The following CNTN5 variants were observed in gnomAD, a reference collection of about 807,000 sequenced individuals.
CNTN5 encodes contactin-5.
Under a neutral mutation model 129.1 loss-of-function variants are expected in CNTN5, and 77 were observed. That is an observed-to-expected ratio of 0.60 (90% CI 0.50 to 0.72). The LOEUF (loss-of-function observed/expected upper bound fraction) is 0.72, where lower values mean the gene tolerates loss of function less well. CNTN5 is among the 30% of genes least tolerant of loss of function. The pLI is 0.00. For synonymous variants in CNTN5, 509 were observed against 465.6 expected, an observed-to-expected ratio of 1.09 and a Z score of -1.20; for missense variants, 1,478 against 1,328.8, an observed-to-expected ratio of 1.11 and a Z score of -1.75.
rs1299481301 is a variant in CNTN5 at position 99,795,369 on chromosome 11, T to G, written c.56-24175T>G. Among the ~76,000 whole-genome samples the G allele has an allele frequency of 4.3e-4, 66 of 152,218 alleles. 1 individual carries two copies. The highest frequency in any genetic ancestry group is 4.3e-3 in the Admixed American group (65 of 15,284). On this transcript the variant is annotated intron_variant, in intron 3 of 24. Coordinates refer to ENST00000524871, the MANE Select transcript of CNTN5 (RefSeq NM_014361.4). Reference sequence around the variant, plus strand: ...TTTGGATTGGGTTTTGACTTTCTCCTGAATCTCAGTGATCTTTATTCCTAT... The same window carrying G: ...TTTGGATTGGGTTTTGACTTTCTCCGGAATCTCAGTGATCTTTATTCCTAT...
At chr11:99,720,557 G>C (rs1591529594) in intron 3 of CNTN5, among the ~76,000 whole-genome samples, 1 of 152,108 alleles carries the variant, frequency 6.6e-6, no homozygotes, top group African/African-American at 2.4e-5. Flanking sequence ...TACTGAATGG[G>C]CAAAAGTTGG....
chr11:99,039,598 G>C (rs1398063400), intron 1 of CNTN5, among the ~76,000 whole-genome samples: 1 of 152,158 alleles, frequency 6.6e-6, no homozygotes, highest in Non-Finnish European at 1.5e-5. Flanking sequence ...AAGAATGCTA[G>C]CTGGAGTCAC....
At chr11:99,208,346 G>T (rs910773153) in intron 1 of CNTN5, among the ~76,000 whole-genome samples, 6 of 151,906 alleles carry the variant, frequency 3.9e-5, no homozygotes, top group Non-Finnish European at 8.8e-5. Flanking sequence ...TTTTATCTAG[G>T]CAAACCTTAA....
At chr11:99,034,950 A>T (rs920275203) in intron 1 of CNTN5, among the ~76,000 whole-genome samples, 5 of 150,928 alleles carry the variant, frequency 3.3e-5, no homozygotes, top group Non-Finnish European at 5.9e-5. Context: ...AATGTGTCCC[A>T]GAGATTCTGG....
At chr11:99,945,092 G>A (rs995658202) in intron 7 of CNTN5, among the ~76,000 whole-genome samples, 3 of 151,940 alleles carry the variant, frequency 2.0e-5, no homozygotes, top group African/African-American at 7.2e-5. Flanking sequence ...GAAAGAGATG[G>A]GTACAGGTAT....
chr11:99,112,104 C>CTATATTCA (rs1394405886), intron 1 of CNTN5, among the ~76,000 whole-genome samples: 1 of 151,886 alleles, frequency 6.6e-6, no homozygotes, highest in East Asian at 1.9e-4. Flanking sequence ...TTAATAAAAA[C>CTATATTCA]TATATTCATC....
At chr11:99,923,354 A>T (rs1426022954) in intron 7 of CNTN5, among the ~76,000 whole-genome samples, 1 of 152,176 alleles carries the variant, frequency 6.6e-6, no homozygotes, top group Non-Finnish European at 1.5e-5. Context: ...TCAGTTTAGT[A>T]ATTTTGAAAT....
intron 1 of CNTN5, among the ~76,000 whole-genome samples, chr11:99,053,555 A>G (rs1347195609): frequency 6.6e-6 from 1 of 151,864 alleles, no homozygotes; most frequent in African/African-American, 2.4e-5. Flanking sequence ...AATTATTCCA[A>G]ATTGTTTTCT....
intron 2 of CNTN5, among the ~76,000 whole-genome samples, chr11:99,520,907 A>G (rs1370255441): frequency 6.6e-6 from 1 of 152,206 alleles, no homozygotes; most frequent in Non-Finnish European, 1.5e-5. Flanking sequence ...TAGTTAAGGC[A>G]GGATCCATGG....
intron 13 of CNTN5, among the ~76,000 whole-genome samples, chr11:100,170,241 C>T (rs1055311770): frequency 9.2e-5 from 14 of 151,950 alleles, no homozygotes; most frequent in Admixed American, 9.2e-4. Flanking sequence ...GATTAAATGG[C>T]ATGCCCAAAA....
chr11:100,315,889 C>G (rs12282373), intron 21 of CNTN5, among the ~76,000 whole-genome samples: 1,852 of 152,228 alleles, frequency 0.012, 41 homozygotes, highest in African/African-American at 0.043. Flanking sequence ...AAATGTCTAG[C>G]TTATGATATG....
chr11:100,256,921 C>T (rs1950083757), intron 17 of CNTN5, among the ~76,000 whole-genome samples: 1 of 152,028 alleles, frequency 6.6e-6, no homozygotes, highest in Non-Finnish European at 1.5e-5. Context: ...TTTTCATACC[C>T]TAGCTGTGCC....
At chr11:99,533,661 A>G (rs976138160) in intron 2 of CNTN5, among the ~76,000 whole-genome samples, 4 of 152,168 alleles carry the variant, frequency 2.6e-5, no homozygotes, top group Non-Finnish European at 4.4e-5. Flanking sequence ...CCATAAAGAT[A>G]CCGCTGTTCA....
chr11:99,901,248 T>C (rs10501928), intron 6 of CNTN5, among the ~76,000 whole-genome samples: 14,863 of 152,138 alleles, frequency 0.098, 1,659 homozygotes, highest in African/African-American at 0.27. Context: ...ATTAGAACTA[T>C]AAACTGGTAA....
chr11:100,345,328 G>T (rs1952255427), intron 23 of CNTN5, among the ~76,000 whole-genome samples: 1 of 152,054 alleles, frequency 6.6e-6, no homozygotes, highest in African/African-American at 2.4e-5. Flanking sequence ...ACCACGAGAA[G>T]CCTCTTTTAT....
rs369348604 is a variant in CNTN5 at position 100,061,257 on chromosome 11, T to C, written c.1026T>C (p.Pro342=). 37 of 1,613,668 alleles carry C rather than the reference T, an allele frequency of 2.3e-5. No homozygotes were observed. In the African/African-American group the frequency reaches 3.5e-4, roughly 15 times the overall value. Residue 342 remains proline (P), a synonymous_variant, in exon 10 of 25, where the codon CCT becomes CCC. Transcript: ENST00000524871. ...GGATGAAGGTTAATGGTTATATTCC[T>C]AGTAAGGCACGTCTGCGGAAATCTC... ...ITWMKVNGYI[P]SKARLRKSQA...
intron 1 of CNTN5, among the ~76,000 whole-genome samples, chr11:99,143,545 C>G (rs1859635565): frequency 6.6e-6 from 1 of 151,412 alleles, no homozygotes; most frequent in Admixed American, 6.6e-5. Flanking sequence ...TCTCCTGGCT[C>G]CCTTCCTTCT....
At chr11:100,094,364 A>C (rs1195776079) in intron 13 of CNTN5, among the ~76,000 whole-genome samples, 1 of 152,106 alleles carries the variant, frequency 6.6e-6, no homozygotes, top group African/African-American at 2.4e-5. Flanking sequence ...CATGACTTTA[A>C]TCCAGTCCGT....
intron 3 of CNTN5, among the ~76,000 whole-genome samples, chr11:99,774,519 A>C (rs1945054481): frequency 6.6e-6 from 1 of 151,826 alleles, no homozygotes; most frequent in Non-Finnish European, 1.5e-5. Flanking sequence ...GCTCTGTTAC[A>C]GAAACAAGTT....
Sources: gnomAD v4.1 joint callset for allele counts (sites outside exome capture counted in the v4.1 genomes callset) on GRCh38, gnomAD v4.1.1 for gene constraint, MANE v1.5 for transcripts, NCBI Gene and HGNC (gene_info 2026-07-23, HGNC 2026-07-21) for gene names.